The following ZSCAN4 variants were observed in gnomAD, a reference collection of about 807,000 sequenced individuals.
ZSCAN4 encodes the protein zinc finger and SCAN domain containing 4, also known as zinc finger and SCAN domain-containing protein 4.
A neutral mutation model predicts 18.3 loss-of-function variants in ZSCAN4; 18 were observed. The observed-to-expected ratio is 0.98, with a 90% CI of 0.68 to 1.46. The LOEUF is 1.46. ZSCAN4 is among the 40% of genes most tolerant of loss of function. ZSCAN4 has a pLI of 0.00. For missense variants in ZSCAN4, 498 were observed against 511.4 expected (o/e 0.97, Z 0.25); for synonymous variants, 193 against 180.3 (o/e 1.07, Z -0.57).
intron 2 of ZSCAN4, among the ~76,000 whole-genome samples, chr19:57,671,509 A>AG (rs1984022177): frequency 2.7e-5 from 4 of 147,774 alleles, no homozygotes; most frequent in Non-Finnish European, 4.5e-5. Context: ...AAAAAAAAAA[A>AG]AAGAGAGAGA....
intron 1 of ZSCAN4, among the ~76,000 whole-genome samples, chr19:57,669,412 G>T (rs1983949294): frequency 8.5e-6 from 1 of 118,102 alleles, no homozygotes; most frequent in South Asian, 2.4e-4. Flanking sequence ...CGCAGATTTT[G>T]TATTTTTGTG....
the ZSCAN4 span, among the ~76,000 whole-genome samples, chr19:57,659,990 G>A: frequency 1.3e-4 from 20 of 152,204 alleles, no homozygotes; most frequent in Middle Eastern, 3.4e-3. Flanking sequence ...ACAGATGGTC[G>A]CTGCAATTAC....
the ZSCAN4 span, among the ~76,000 whole-genome samples, chr19:57,652,102 C>T: frequency 2.4e-4 from 37 of 152,124 alleles, no homozygotes; most frequent in Non-Finnish European, 2.9e-5. Context: ...AGGATACTCA[C>T]CACCCCACAC....
chr19:57,673,142 G>T (rs1984073706), intron 2 of ZSCAN4, among the ~76,000 whole-genome samples: 1 of 148,610 alleles, frequency 6.7e-6, no homozygotes, highest in Non-Finnish European at 1.5e-5. Context: ...TCCATCTCCT[G>T]GGTTCAAGCG....
chr19:57,669,829 C>T (rs962924283), intron 1 of ZSCAN4, among the ~76,000 whole-genome samples: 1 of 152,074 alleles, frequency 6.6e-6, no homozygotes, highest in Non-Finnish European at 1.5e-5. Context: ...CTGGCTCAAA[C>T]AAGCTACACA....
exon 5 of ZSCAN4, chr19:57,679,096 G>C: frequency 2.0e-6 from 1 of 492,816 alleles, no homozygotes; most frequent in Non-Finnish European, 3.2e-6. Flanking sequence ...AAGTGGTTGG[G>C]AAAGTGGAAC....
At position 57,676,481 on chromosome 19, in the gene ZSCAN4, CA is replaced by C. The variant is rs1984192870; in HGVS notation, c.341del (p.Asn114ThrfsTer6). ...TGAAAGAGAAATGGAAATCAAGTGG[CA>C]AAAACTTGGAGAGATTCATAGAAGA... On this transcript the variant is annotated frameshift_variant, in exon 3 of 5. Transcript: ENST00000318203. LOFTEE classifies it high-confidence loss of function. The C allele has an allele frequency of 3.7e-6, 6 of 1,614,076 alleles. No individual in the cohort carries two copies. Among genetic ancestry groups the C allele is most frequent in the Non-Finnish European group, 5.1e-6 (6 of 1,180,006 alleles).
the ZSCAN4 span, among the ~76,000 whole-genome samples, chr19:57,661,852 TG>T: frequency 1.3e-5 from 2 of 151,966 alleles, no homozygotes; most frequent in African/African-American, 2.4e-5. Context: ...GAGGCTGAGG[TG>T]GGCAGAAAAT....
chr19:57,654,707 C>T, the ZSCAN4 span, among the ~76,000 whole-genome samples: 1 of 152,176 alleles, frequency 6.6e-6, no homozygotes, highest in Non-Finnish European at 1.5e-5. Flanking sequence ...CCCCCCACCT[C>T]CACCACTCAT....
chr19:57,655,343 A>G, the ZSCAN4 span, among the ~76,000 whole-genome samples: 1 of 152,186 alleles, frequency 6.6e-6, no homozygotes, highest in African/African-American at 2.4e-5. Flanking sequence ...CAATGTCGCC[A>G]GCACTGGGAC....
chr19:57,653,994 C>A, the ZSCAN4 span, among the ~76,000 whole-genome samples: 9 of 152,302 alleles, frequency 5.9e-5, no homozygotes, highest in Non-Finnish European at 1.3e-4. Flanking sequence ...ACTACCATCA[C>A]CACCTTAGAA....
At chr19:57,666,233 C>T (rs1219401868), upstream of ZSCAN4, among the ~76,000 whole-genome samples, 1 of 152,190 alleles carries the variant, frequency 6.6e-6, no homozygotes, top group Non-Finnish European at 1.5e-5. Flanking sequence ...CTTCGATGCG[C>T]CCTGGAGAAT....
chr19:57,651,569 C>G, the ZSCAN4 span, among the ~76,000 whole-genome samples: 1 of 152,220 alleles, frequency 6.6e-6, no homozygotes, highest in African/African-American at 2.4e-5. Flanking sequence ...GTGTCCCCGT[C>G]TACAGGCCTT....
chr19:57,664,877 C>A, upstream of ZSCAN4: 2 of 158,962 alleles, frequency 1.3e-5, no homozygotes, highest in South Asian at 3.4e-4. Flanking sequence ...AATCCAAGGT[C>A]AAAAACGCCA....
chr19:57,657,763 T>C, the ZSCAN4 span, among the ~76,000 whole-genome samples: 9 of 152,288 alleles, frequency 5.9e-5, no homozygotes, highest in East Asian at 9.6e-4. Context: ...GGTATTTGCA[T>C]ATAACCTGTG....
the ZSCAN4 span, among the ~76,000 whole-genome samples, chr19:57,653,700 C>CA: frequency 2.6e-5 from 4 of 152,308 alleles, no homozygotes; most frequent in East Asian, 7.7e-4. Flanking sequence ...TGCCATACAA[C>CA]AGGGTTCCCA....
At chr19:57,678,191 G>C in exon 5 of ZSCAN4, 1 of 1,614,052 alleles carries the variant, frequency 6.2e-7, no homozygotes, top group Non-Finnish European at 8.5e-7. Flanking sequence ...AAGATGGCTG[G>C]AACAGTTCTT....
At chr19:57,651,690 C>A in the ZSCAN4 span, among the ~76,000 whole-genome samples, 32 of 152,170 alleles carry the variant, frequency 2.1e-4, no homozygotes, top group African/African-American at 7.7e-4. Flanking sequence ...GGAGGAATCC[C>A]TTTTTGCAAC....
At chr19:57,661,933 T>G in the ZSCAN4 span, among the ~76,000 whole-genome samples, 2 of 151,788 alleles carry the variant, frequency 1.3e-5, no homozygotes, top group South Asian at 4.2e-4. Context: ...ATAAAAAAAT[T>G]AGCTGGATGT....
Sources: allele counts gnomAD v4.1 joint callset (sites outside exome capture counted in the v4.1 genomes callset), GRCh38; gene constraint gnomAD v4.1.1; transcripts MANE v1.5; gene names NCBI Gene and HGNC (gene_info 2026-07-23, HGNC 2026-07-21).